MSANTD1: variants seen among roughly 807,000 people sequenced by gnomAD.
The protein encoded by MSANTD1 is myb/SANT-like DNA-binding domain-containing protein 1.
Under a neutral mutation model 24.2 loss-of-function variants are expected in MSANTD1, and 7 were observed. The ratio of observed to expected loss-of-function variants is 0.29; its 90% CI spans 0.16 to 0.54. MSANTD1 has a LOEUF of 0.54. Among genes scored for constraint, MSANTD1 ranks in the 20% least tolerant of loss-of-function variants. The probability of loss-of-function intolerance (pLI) is 0.94; values close to 1 mark genes in which losing one functional copy is unlikely to be tolerated. For synonymous variants in MSANTD1, 177 were observed against 181.1 expected, an observed-to-expected ratio of 0.98 and a Z score of 0.18; for missense variants, 384 against 408.2, an observed-to-expected ratio of 0.94 and a Z score of 0.51.
chr4:3,254,906 C>T (rs1364952803), intron 2 of MSANTD1, among the ~76,000 whole-genome samples: 2 of 152,236 alleles, frequency 1.3e-5, no homozygotes, highest in East Asian at 3.8e-4. Context: ...TCAGTTTCCC[C>T]ATCTGCCTAA....
intron 1 of MSANTD1, 34 bp downstream of exon 1, chr4:3,249,576 C>T (rs906791383): frequency 5.8e-6 from 9 of 1,560,786 alleles, no homozygotes; most frequent in East Asian, 4.6e-5. Flanking sequence ...CCCACCAGGA[C>T]GGGCGGGCCC....
At chr4:3,248,164 G>A (rs1022289876), upstream of MSANTD1, 6 of 152,330 alleles carry the variant, frequency 3.9e-5, no homozygotes, top group East Asian at 1.9e-4. Context: ...GCCCTTGGGC[G>A]GCACTTCTCC....
chr4:3,245,582 C>T (rs1721995940), upstream of MSANTD1, among the ~76,000 whole-genome samples: 1 of 152,196 alleles, frequency 6.6e-6, no homozygotes, highest in Admixed American at 6.5e-5. Context: ...GAAAGGCATC[C>T]TCCGCGAGCC....
chr4:3,249,668 C>G, intron 1 of MSANTD1, 126 bp downstream of exon 1: 1 of 962,916 alleles, frequency 1.0e-6, no homozygotes, highest in Non-Finnish European at 1.6e-6. Context: ...TCGGTCTCCT[C>G]TGGCCGGGTA....
At chr4:3,249,019 G>A (rs918052833), upstream of MSANTD1, 5 of 436,410 alleles carry the variant, frequency 1.1e-5, no homozygotes, top group Admixed American at 4.3e-5. Context: ...TTGATGGCCC[G>A]TCAGTGCAGC....
intron 2 of MSANTD1, 115 bp from the exon 3 acceptor site, chr4:3,255,610 C>T: frequency 7.5e-7 from 1 of 1,334,710 alleles, no homozygotes; most frequent in Non-Finnish European, 9.9e-7. Flanking sequence ...GACCTGACTC[C>T]CTGGGGCCTC....
At chr4:3,247,876 C>T (rs1226416624), upstream of MSANTD1, 1 of 152,304 alleles carries the variant, frequency 6.6e-6, no homozygotes, top group Non-Finnish European at 1.5e-5. Context: ...GAGCCTCGGT[C>T]CCACCTCCAA....
upstream of MSANTD1, chr4:3,249,103 G>A (rs777388145): frequency 6.2e-5 from 55 of 889,252 alleles, no homozygotes; most frequent in Non-Finnish European, 8.4e-5. Flanking sequence ...CTATGGAAAC[G>A]TGACATCAAA....
upstream of MSANTD1, chr4:3,249,132 A>G: frequency 8.3e-7 from 1 of 1,198,230 alleles, no homozygotes; most frequent in Non-Finnish European, 1.1e-6. Flanking sequence ...TCCCGTTTAA[A>G]AGCTTTTAAC....
At position 3,256,594 on chromosome 4, in the gene MSANTD1, G is replaced by GT. The variant is rs1560619895; in HGVS notation, c.*630dup. ...CTTAGCAATGACACTAATAAAAGTC[G>GT]TAACACCTGTTCACATGCACAGCCC... On this transcript the variant is annotated 3_prime_UTR_variant, in exon 3 of 3. Coordinates refer to ENST00000438480, the MANE Select transcript of MSANTD1 (RefSeq NM_001042690.2). 1 of 152,282 alleles carries GT rather than the reference G, an allele frequency of 6.6e-6. No homozygotes were observed. Among genetic ancestry groups the GT allele is most frequent in the African/African-American group, 2.4e-5 (1 of 41,450 alleles). The allele number at this position is 152,282 out of a possible 1,614,324, so 9.4% of individuals were successfully genotyped here.
In MSANTD1 at chr4:3,255,804, A is replaced by G. The variant is rs1383933472; in HGVS notation, c.676A>G (p.Met226Val). 4.5e-6 allele frequency: 7 copies of G among 1,546,632 alleles called. No homozygotes were observed. The highest frequency in any genetic ancestry group is 6.1e-6 in the Non-Finnish European group (7 of 1,146,704). Residue 226 changes from methionine to valine, a missense_variant, in exon 3 of 3, where the codon ATG becomes GTG. Met to Val is a conservative substitution (Grantham distance 21). Coordinates refer to ENST00000438480, the MANE Select transcript of MSANTD1 (RefSeq NM_001042690.2). ...QKKQLRLLEAMVEEQRRLSRA... is the reference protein window; with the variant it reads ...QKKQLRLLEAVVEEQRRLSRA... ...GAAGCAGCTGCGGCTGCTGGAGGCCATGGTGGAGGAGCAGCGCCGGCTGAG... is the reference window on the plus strand; with the variant it reads ...GAAGCAGCTGCGGCTGCTGGAGGCCGTGGTGGAGGAGCAGCGCCGGCTGAG...
chr4:3,255,309 C>T (rs1308493901), intron 2 of MSANTD1, among the ~76,000 whole-genome samples: 2 of 151,802 alleles, frequency 1.3e-5, no homozygotes, highest in Middle Eastern at 3.2e-3. Context: ...CTGCAACCTC[C>T]GCCTCGTGGG....
In MSANTD1 at chr4:3,255,720, TC is replaced by T. The variant is rs765202394; in HGVS notation, c.597-3del. The T allele has an allele frequency of 1.3e-6, 2 of 1,535,298 alleles. No individual in the cohort carries two copies. The highest frequency in any genetic ancestry group is 2.4e-5 in the South Asian group (2 of 82,550). ...GCACGTCCACAGCCGGCACTGTCCT[TC>T]CAGGTCGGAGGAGCGGCCGGTGAAG... On this transcript the variant is annotated splice_region_variant and splice_polypyrimidine_tract_variant and intron_variant, in intron 2 of 2. Coordinates refer to ENST00000438480, the MANE Select transcript of MSANTD1 (RefSeq NM_001042690.2).
Position 3,253,354 on chromosome 4 carries a change from C to G in MSANTD1, c.468C>G (p.Thr156=). 6.2e-7 allele frequency: 1 copy of G among 1,611,288 alleles called. No individual in the cohort carries two copies. The highest frequency in any genetic ancestry group is 1.1e-5 in the South Asian group (1 of 90,326). Residue 156 remains threonine (T), a synonymous_variant, in exon 2 of 3, where the codon ACC becomes ACG. Transcript: ENST00000438480. The part of the protein sequence containing the change: ...SQPPGPSTSQ[T]EASLSPPAKS... ...CGCCGGGGCCCTCCACGTCCCAGAC[C>G]GAGGCGTCCCTGTCGCCGCCCGCTA...
chr4:3,248,860 T>C (rs888119546), upstream of MSANTD1: 8 of 213,280 alleles, frequency 3.8e-5, no homozygotes, highest in Admixed American at 5.9e-5. Context: ...TTTGCCCCCT[T>C]TCTCCTTGCC....
intron 1 of MSANTD1, among the ~76,000 whole-genome samples, 173 bp downstream of exon 1, chr4:3,249,715 A>G (rs573711171): frequency 2.6e-5 from 4 of 152,292 alleles, no homozygotes; most frequent in Middle Eastern, 3.4e-3. Flanking sequence ...GGGCCCACGG[A>G]AACCGTGTGT....
At position 3,255,878 on chromosome 4, in the gene MSANTD1, G is replaced by A. The variant is rs774602392; in HGVS notation, c.750G>A (p.Gln250=). Residue 250 remains glutamine, a synonymous_variant, in exon 3 of 3, where the codon CAG becomes CAA. Transcript: ENST00000438480. ...TCREVRRVLD[Q]QHILQVQSLQ... ...GCGAGGTGCGCCGCGTGCTGGACCA[G>A]CAGCACATCCTGCAGGTGCAGAGCC... 4.5e-6 allele frequency: 7 copies of A among 1,545,612 alleles called. No homozygotes were observed. The highest frequency in any genetic ancestry group is 6.1e-6 in the Non-Finnish European group (7 of 1,146,328).
chr4:3,250,471 C>T (rs990256761), intron 1 of MSANTD1, among the ~76,000 whole-genome samples: 3 of 152,156 alleles, frequency 2.0e-5, no homozygotes, highest in African/African-American at 7.2e-5. Context: ...AGGTCTCAGG[C>T]ACAGGCAAGG....
chr4:3,252,757 A>G (rs1722264913), intron 1 of MSANTD1, among the ~76,000 whole-genome samples: 1 of 152,244 alleles, frequency 6.6e-6, no homozygotes, highest in Non-Finnish European at 1.5e-5. Flanking sequence ...CCCGAACAAC[A>G]CAGTTATTAT....
Sources: gnomAD v4.1 joint callset for allele counts (sites outside exome capture counted in the v4.1 genomes callset) on GRCh38, gnomAD v4.1.1 for gene constraint, MANE v1.5 for transcripts, NCBI Gene and HGNC (gene_info 2026-07-23, HGNC 2026-07-21) for gene names.